DOK6: variants seen among roughly 807,000 people sequenced by gnomAD.
The protein encoded by DOK6 is docking protein 6, also known as downstream of tyrosine kinase 6.
Under a neutral mutation model 44.0 loss-of-function variants are expected in DOK6, and 22 were observed. The observed-to-expected ratio is 0.50, with a 90% CI of 0.36 to 0.71. The LOEUF (loss-of-function observed/expected upper bound fraction) is 0.71, where lower values mean the gene tolerates loss of function less well. Among genes scored for constraint, DOK6 ranks in the 30% least tolerant of loss-of-function variants. DOK6 has a pLI of 0.00. For missense variants in DOK6, 340 were observed against 416.4 expected, an observed-to-expected ratio of 0.82 and a Z score of 1.60; for synonymous variants, 166 against 145.5, an observed-to-expected ratio of 1.14 and a Z score of -1.01.
At chr18:69,629,409 G>A (rs935539009) in intron 3 of DOK6, among the ~76,000 whole-genome samples, 4 of 152,020 alleles carry the variant, frequency 2.6e-5, no homozygotes, top group African/African-American at 9.7e-5. Context: ...CTGACATGTT[G>A]CACATCCCAC....
rs140570447 is a variant in DOK6 at position 69,404,505 on chromosome 18, T to C, written c.66+3195T>C. ...TAAATTTATCAGAAATAGATGCAGC[T>C]TTGTGGAGTGATCATCATCATCATC... is the stretch of plus-strand genomic sequence containing the variant. On this transcript the variant is annotated intron_variant, in intron 1 of 7. Transcript: ENST00000382713. 1.6e-3 allele frequency among the ~76,000 whole-genome samples: 243 copies of C among 152,332 alleles called. 1 individual carries two copies. Among genetic ancestry groups the C allele is most frequent in the African/African-American group, 5.6e-3 (232 of 41,568 alleles).
rs1704266121 is a variant in DOK6, at chr18:69,401,237, C to T, written c.-8C>T. On this transcript the variant is annotated 5_prime_UTR_variant, in exon 1 of 8. Transcript: ENST00000382713. ...ATCGCGGGGCGCAGGAGCCCGATCG[C>T]GCTGGCCATGGCCTCCAACTTTAAC... The T allele has an allele frequency of 1.3e-6, 2 of 1,561,914 alleles. No individual in the cohort carries two copies. The highest frequency in any genetic ancestry group is 1.8e-5 in the Admixed American group (1 of 54,082).
chr18:69,480,020 T>A (rs2053519), intron 1 of DOK6, among the ~76,000 whole-genome samples: 111,968 of 152,034 alleles, frequency 0.74, 41,565 homozygotes, highest in African/African-American at 0.78. Context: ...TTTCTCCAGC[T>A]TCTAAACTAA....
At chr18:69,447,778 T>C (rs1979338679) in intron 1 of DOK6, among the ~76,000 whole-genome samples, 2 of 152,220 alleles carry the variant, frequency 1.3e-5, no homozygotes, top group South Asian at 4.1e-4. Flanking sequence ...ATGTAATTAG[T>C]CTTCTTGATA....
intron 4 of DOK6, among the ~76,000 whole-genome samples, chr18:69,681,514 T>C (rs974615062): frequency 6.6e-6 from 1 of 152,048 alleles, no homozygotes; most frequent in African/African-American, 2.4e-5. Flanking sequence ...ATGGGGAAAG[T>C]TACATGAACA....
At chr18:69,587,277 G>T (rs1983525372) in intron 2 of DOK6, among the ~76,000 whole-genome samples, 2 of 152,070 alleles carry the variant, frequency 1.3e-5, no homozygotes, top group South Asian at 2.1e-4. Context: ...TTCCAAGGGG[G>T]TCTCCTTGCT....
At chr18:69,544,618 T>G (rs1175842285) in intron 1 of DOK6, among the ~76,000 whole-genome samples, 2 of 151,480 alleles carry the variant, frequency 1.3e-5, no homozygotes, top group Non-Finnish European at 3.0e-5. Context: ...AGGCCACAGT[T>G]TCAAACCATA....
chr18:69,490,076 G>A (rs1195443083), intron 1 of DOK6, among the ~76,000 whole-genome samples: 1 of 152,118 alleles, frequency 6.6e-6, no homozygotes, highest in Non-Finnish European at 1.5e-5. Flanking sequence ...TTGAGAATCA[G>A]ATTTTGCAAA....
chr18:69,719,288 C>T (rs2144722128), intron 5 of DOK6, among the ~76,000 whole-genome samples: 1 of 152,344 alleles, frequency 6.6e-6, no homozygotes, highest in South Asian at 2.1e-4. Flanking sequence ...AAACTGTCTT[C>T]ATGCACTGAG....
At position 69,847,169 on chromosome 18, in the gene DOK6, C is replaced by T. The variant is rs1982363189; in HGVS notation, c.*5786C>T. 1 of 152,088 alleles carries T rather than the reference C, an allele frequency of 6.6e-6. No individual in the cohort carries two copies. The allele number at this position is 152,088 out of a possible 1,614,324, so 9.4% of individuals were successfully genotyped here. On this transcript the variant is annotated 3_prime_UTR_variant, in exon 8 of 8. Transcript: ENST00000382713. The stretch of plus-strand genomic sequence containing the variant: ...TATCTTCCATGCCTGCTTCCCTAGT[C>T]TGAACTCCACATTCCAGTTGTCAGA...
intron 1 of DOK6, among the ~76,000 whole-genome samples, chr18:69,422,744 C>T (rs1488307478): frequency 1.3e-5 from 2 of 152,178 alleles, no homozygotes; most frequent in Non-Finnish European, 2.9e-5. Context: ...TATCCTTGTA[C>T]TTCCTGCTAG....
chr18:69,555,775 C>A (rs1982672495), intron 1 of DOK6, among the ~76,000 whole-genome samples: 1 of 152,178 alleles, frequency 6.6e-6, no homozygotes, highest in African/African-American at 2.4e-5. Context: ...TCATATTATG[C>A]AATCATTGGG....
At chr18:69,587,578 AC>A (rs1983532644) in intron 2 of DOK6, among the ~76,000 whole-genome samples, 1 of 152,164 alleles carries the variant, frequency 6.6e-6, no homozygotes, top group Admixed American at 6.5e-5. Flanking sequence ...CCGCTGTGCA[AC>A]CCATTACAAT....
chr18:69,774,693 G>T (rs1045874690), intron 7 of DOK6, among the ~76,000 whole-genome samples: 13 of 151,580 alleles, frequency 8.6e-5, no homozygotes, highest in African/African-American at 2.9e-4. Context: ...TTAAGGAGAT[G>T]GGAAATATAA....
chr18:69,416,181 CG>C (rs772858870), intron 1 of DOK6, among the ~76,000 whole-genome samples: 21 of 2,602 alleles, frequency 8.1e-3, no homozygotes, highest in Non-Finnish European at 0.022. Context: ...AAGGAAGGAA[CG>C]AAGGAAGGAA....
chr18:69,681,227 G>A (rs1024268252), intron 4 of DOK6, among the ~76,000 whole-genome samples: 2 of 151,940 alleles, frequency 1.3e-5, no homozygotes, highest in African/African-American at 4.8e-5. Context: ...GGTTTGTGGT[G>A]ATCTTGTAGT....
intron 3 of DOK6, among the ~76,000 whole-genome samples, chr18:69,622,287 C>G (rs925335839): frequency 2.0e-5 from 3 of 152,160 alleles, no homozygotes; most frequent in Non-Finnish European, 4.4e-5. Flanking sequence ...TATGTAAGTT[C>G]ACAGTTTGAT....
At chr18:69,753,794 G>T (rs183040781) in intron 6 of DOK6, among the ~76,000 whole-genome samples, 2 of 150,266 alleles carry the variant, frequency 1.3e-5, no homozygotes, top group Non-Finnish European at 3.0e-5. Context: ...CTGGCACAAA[G>T]ATTGCAGAAT....
At chr18:69,614,014 GTAT>G (rs33963884) in intron 3 of DOK6, among the ~76,000 whole-genome samples, 128,683 of 149,456 alleles carry the variant, frequency 0.86, 56,265 homozygotes, top group Non-Finnish European at 0.95. Flanking sequence ...AGTTTTCTGA[GTAT>G]TATTACCTCA....
Sources: allele counts gnomAD v4.1 joint callset (sites outside exome capture counted in the v4.1 genomes callset), GRCh38; gene constraint gnomAD v4.1.1; transcripts MANE v1.5; gene names NCBI Gene and HGNC (gene_info 2026-07-23, HGNC 2026-07-21).